The following SPDYE12 variants were observed in gnomAD, a reference collection of about 807,000 sequenced individuals.
SPDYE12 encodes the protein speedy protein E12.
the SPDYE12 span, among the ~76,000 whole-genome samples, chr7:74,909,234 A>C: frequency 2.7e-5 from 4 of 150,032 alleles, no homozygotes; most frequent in East Asian, 7.8e-4. Context: ...TTCTATTTTT[A>C]GTAGAGACGG....
the SPDYE12 span, among the ~76,000 whole-genome samples, chr7:74,907,532 G>A: frequency 1.3e-5 from 2 of 151,060 alleles, no homozygotes; most frequent in African/African-American, 4.8e-5. Flanking sequence ...AGGAGTTTGA[G>A]ACCAGCCTGG....
chr7:74,914,906 A>G, the SPDYE12 span, among the ~76,000 whole-genome samples: 1 of 135,522 alleles, frequency 7.4e-6, no homozygotes, highest in African/African-American at 2.5e-5. Flanking sequence ...CTGGGCAACA[A>G]GAGCAAAACT....
the SPDYE12 span, among the ~76,000 whole-genome samples, chr7:74,904,695 C>T: frequency 6.6e-6 from 1 of 150,964 alleles, no homozygotes; most frequent in Non-Finnish European, 1.5e-5. Context: ...GTGTATACAA[C>T]AGTTATAACA....
the SPDYE12 span, among the ~76,000 whole-genome samples, chr7:74,908,472 A>G: frequency 2.7e-4 from 13 of 48,362 alleles, 1 homozygote; most frequent in African/African-American, 8.3e-4. Flanking sequence ...CGAGTGATGC[A>G]AGGGGGACCT....
At chr7:74,908,751 G>A in the SPDYE12 span, among the ~76,000 whole-genome samples, 2 of 128,904 alleles carry the variant, frequency 1.6e-5, no homozygotes, top group South Asian at 2.6e-4. Context: ...TCGGCTCACT[G>A]CAAGCTCCGC....
the SPDYE12 span, chr7:74,909,703 C>T: frequency 2.6e-6 from 4 of 1,556,092 alleles, no homozygotes; most frequent in Non-Finnish European, 3.5e-6. Context: ...AGGGGCTGCC[C>T]ATCAGAGAAG....
the SPDYE12 span, chr7:74,910,773 A>G: frequency 7.3e-7 from 1 of 1,374,102 alleles, no homozygotes; most frequent in South Asian, 1.2e-5. Flanking sequence ...TGGGTTTGGA[A>G]GCTGCGCCCT....
At chr7:74,909,395 C>G in the SPDYE12 span, 1 of 1,397,666 alleles carries the variant, frequency 7.2e-7, no homozygotes, top group Non-Finnish European at 1.0e-6. Context: ...TACTATAATC[C>G]TGTCTTTTTT....
chr7:74,904,982 CA>C, the SPDYE12 span, among the ~76,000 whole-genome samples: 2 of 143,178 alleles, frequency 1.4e-5, no homozygotes, highest in Admixed American at 7.0e-5. Context: ...ACCTAAACAG[CA>C]AATAAAAATT....
the SPDYE12 span, chr7:74,906,772 GA>G: frequency 1.6e-5 from 9 of 573,064 alleles, 1 homozygote; most frequent in Admixed American, 2.2e-4. Flanking sequence ...GACTCCCCAG[GA>G]TACCCCTCTC....
At chr7:74,907,859 C>G in the SPDYE12 span, among the ~76,000 whole-genome samples, 2 of 148,912 alleles carry the variant, frequency 1.3e-5, no homozygotes, top group Non-Finnish European at 3.0e-5. Context: ...GATATGGAGG[C>G]TGCGGTGAGC....
At chr7:74,908,797 CAG>C in the SPDYE12 span, among the ~76,000 whole-genome samples, 1 of 144,382 alleles carries the variant, frequency 6.9e-6, no homozygotes, top group Non-Finnish European at 1.5e-5. Flanking sequence ...CCTCAGTCCT[CAG>C]AGTAGCTGGG....
the SPDYE12 span, among the ~76,000 whole-genome samples, chr7:74,908,607 C>T: frequency 0.08 from 11,357 of 142,254 alleles, 1,616 homozygotes; most frequent in African/African-American, 0.28. Flanking sequence ...TCCGCTCCTC[C>T]GCTCCTTTTC....
At chr7:74,906,110 TC>T in the SPDYE12 span, among the ~76,000 whole-genome samples, 1 of 135,728 alleles carries the variant, frequency 7.4e-6, no homozygotes, top group Admixed American at 7.5e-5. Context: ...TCACTTCAGA[TC>T]TAAACTTGTA....
the SPDYE12 span, chr7:74,909,588 A>G: frequency 3.9e-6 from 6 of 1,532,498 alleles, no homozygotes; most frequent in South Asian, 2.2e-5. Flanking sequence ...GAAATACGCT[A>G]TGACCATAGC....
At chr7:74,908,067 G>T in the SPDYE12 span, among the ~76,000 whole-genome samples, 88,568 of 145,214 alleles carry the variant, frequency 0.61, 28,660 homozygotes, top group East Asian at 0.92. Flanking sequence ...AGAGCTACGG[G>T]CATGCAGAAG....
chr7:74,908,617 C>G, the SPDYE12 span, among the ~76,000 whole-genome samples: 18 of 135,900 alleles, frequency 1.3e-4, no homozygotes, highest in South Asian at 4.4e-3. Flanking sequence ...CGCTCCTTTT[C>G]TTCTCCCCTT....
the SPDYE12 span, among the ~76,000 whole-genome samples, chr7:74,904,731 G>A: frequency 6.7e-6 from 1 of 150,266 alleles, no homozygotes; most frequent in Non-Finnish European, 1.5e-5. Flanking sequence ...TGTAGAAACA[G>A]CATCTATTCA....
the SPDYE12 span, among the ~76,000 whole-genome samples, chr7:74,909,033 G>GCCT: frequency 3.1e-5 from 1 of 32,002 alleles, no homozygotes. Flanking sequence ...TTTTTGCCTG[G>GCCT]TTTTTTTTTT....
Sources: allele counts gnomAD v4.1 joint callset (sites outside exome capture counted in the v4.1 genomes callset), GRCh38; gene constraint gnomAD v4.1.1; transcripts MANE v1.5; gene names NCBI Gene and HGNC (gene_info 2026-07-23, HGNC 2026-07-21).